LRP1B: variants seen among roughly 807,000 people sequenced by gnomAD.
LRP1B encodes low-density lipoprotein receptor-related protein 1B.
Under a neutral mutation model 556.6 loss-of-function variants are expected in LRP1B, and 217 were observed. The ratio of observed to expected loss-of-function variants is 0.39; its 90% CI spans 0.35 to 0.44. The LOEUF (loss-of-function observed/expected upper bound fraction) is 0.44, where lower values mean the gene tolerates loss of function less well. Among genes scored for constraint, LRP1B ranks in the 20% least tolerant of loss-of-function variants. LRP1B has a pLI of 1.00. For synonymous variants in LRP1B, 2,047 were observed against 1,865.8 expected (o/e 1.10, Z -2.50); for missense variants, 5,053 against 5,620.8 (o/e 0.90, Z 3.23).
intron 1 of LRP1B, among the ~76,000 whole-genome samples, chr2:141,977,786 A>G (rs978169232): frequency 6.6e-6 from 1 of 152,144 alleles, no homozygotes; most frequent in African/African-American, 2.4e-5. Context: ...ATGATAGAAT[A>G]CTGTACAGTG....
At chr2:140,702,921 C>A (rs1326030515) in intron 37 of LRP1B, among the ~76,000 whole-genome samples, 1 of 152,060 alleles carries the variant, frequency 6.6e-6, no homozygotes, top group Non-Finnish European at 1.5e-5. Context: ...CTCTGCTTCA[C>A]AACACAGATT....
At chr2:142,066,696 A>T (rs780065245) in intron 1 of LRP1B, among the ~76,000 whole-genome samples, 1 of 151,418 alleles carries the variant, frequency 6.6e-6, no homozygotes, top group Non-Finnish European at 1.5e-5. Flanking sequence ...TGTTCAGCAC[A>T]ATCTAGTATT....
chr2:141,852,903 G>A (rs1277112401), intron 1 of LRP1B, among the ~76,000 whole-genome samples: 1 of 149,396 alleles, frequency 6.7e-6, no homozygotes, highest in African/African-American at 2.5e-5. Flanking sequence ...AAAAAAAAAA[G>A]AAATGAAAAA....
chr2:140,786,143 T>TC (rs1485911389), intron 32 of LRP1B, among the ~76,000 whole-genome samples: 1 of 152,182 alleles, frequency 6.6e-6, no homozygotes, highest in African/African-American at 2.4e-5. Flanking sequence ...ACAAAGGCCA[T>TC]CCATGATTAG....
At chr2:140,771,272 T>C (rs967489263) in intron 33 of LRP1B, among the ~76,000 whole-genome samples, 2 of 152,096 alleles carry the variant, frequency 1.3e-5, no homozygotes, top group Non-Finnish European at 2.9e-5. Flanking sequence ...GTCATAAATA[T>C]TTTCATAGAC....
At chr2:141,538,636 TTC>T (rs200411539) in intron 2 of LRP1B, among the ~76,000 whole-genome samples, 163 of 63,068 alleles carry the variant, frequency 2.6e-3, no homozygotes, top group Non-Finnish European at 3.4e-3. Context: ...TGAAAAAAAC[TTC>T]TTTTTTTTTT....
At chr2:141,840,092 G>C (rs1256696094) in intron 1 of LRP1B, among the ~76,000 whole-genome samples, 1 of 151,932 alleles carries the variant, frequency 6.6e-6, no homozygotes, top group Admixed American at 6.6e-5. Flanking sequence ...TTTAATGAGT[G>C]AATACTTTTC....
intron 66 of LRP1B, among the ~76,000 whole-genome samples, chr2:140,430,354 C>G (rs1685868098): frequency 6.6e-6 from 1 of 152,168 alleles, no homozygotes; most frequent in Non-Finnish European, 1.5e-5. Context: ...GTTATATGCG[C>G]TGAAAGAGGC....
chr2:140,624,816 CA>C (rs1159486777), intron 41 of LRP1B, among the ~76,000 whole-genome samples: 1 of 152,040 alleles, frequency 6.6e-6, no homozygotes, highest in African/African-American at 2.4e-5. Context: ...ATACTAATTG[CA>C]AAAGATACTC....
At chr2:141,479,537 A>G (rs1242356296) in intron 3 of LRP1B, among the ~76,000 whole-genome samples, 1 of 152,130 alleles carries the variant, frequency 6.6e-6, no homozygotes, top group African/African-American at 2.4e-5. Context: ...AACGAAGGAC[A>G]GGTTCTTATT....
At chr2:140,334,379 A>C (rs1680965690) in intron 79 of LRP1B, 74 bp downstream of exon 79, 1 of 913,886 alleles carries the variant, frequency 1.1e-6, no homozygotes, top group African/African-American at 1.7e-5. Context: ...ATTGCCAACA[A>C]CACTAGAAAT....
intron 31 of LRP1B, among the ~76,000 whole-genome samples, chr2:140,822,104 A>T (rs1691350482): frequency 6.6e-6 from 1 of 152,246 alleles, no homozygotes. Context: ...TTGATTGACA[A>T]GCCAAGTTCC....
intron 1 of LRP1B, among the ~76,000 whole-genome samples, chr2:142,005,009 T>C (rs1702759298): frequency 1.3e-5 from 2 of 148,382 alleles, no homozygotes; most frequent in South Asian, 4.2e-4. Context: ...TTTAGTATTA[T>C]AGATATTATA....
At chr2:140,334,367 A>G in intron 79 of LRP1B, 86 bp downstream of exon 79, 1 of 822,916 alleles carries the variant, frequency 1.2e-6, no homozygotes, top group Non-Finnish European at 2.1e-6. Flanking sequence ...AAAAATACTT[A>G]TATTGCCAAC....
intron 3 of LRP1B, among the ~76,000 whole-genome samples, chr2:141,473,691 A>T (rs1682565733): frequency 6.6e-6 from 1 of 151,884 alleles, no homozygotes. Context: ...GGGTAATTCC[A>T]CTTCTTTGTT....
At chr2:142,100,286 C>T (rs930324484) in intron 1 of LRP1B, among the ~76,000 whole-genome samples, 4 of 151,890 alleles carry the variant, frequency 2.6e-5, no homozygotes, top group Non-Finnish European at 5.9e-5. Flanking sequence ...GCTTGGAGAG[C>T]ACCAATGCTC....
At chr2:140,531,328 T>C (rs1232147589) in intron 47 of LRP1B, among the ~76,000 whole-genome samples, 1 of 152,182 alleles carries the variant, frequency 6.6e-6, no homozygotes, top group African/African-American at 2.4e-5. Flanking sequence ...GTCTTCTCAT[T>C]TCTTTTCCTC....
intron 4 of LRP1B, among the ~76,000 whole-genome samples, chr2:141,253,525 A>G (rs1030983919): frequency 6.6e-6 from 1 of 152,162 alleles, no homozygotes; most frequent in Non-Finnish European, 1.5e-5. Flanking sequence ...TGGGCTCTGC[A>G]GACATGAGTT....
chr2:140,260,494 C>T (rs1316615845), intron 86 of LRP1B, among the ~76,000 whole-genome samples: 3 of 151,766 alleles, frequency 2.0e-5, no homozygotes, highest in East Asian at 1.9e-4. Context: ...GATATATACA[C>T]ATTTGTCATT....
Sources: allele counts gnomAD v4.1 joint callset (sites outside exome capture counted in the v4.1 genomes callset), GRCh38; gene constraint gnomAD v4.1.1; transcripts MANE v1.5; gene names NCBI Gene and HGNC (gene_info 2026-07-23, HGNC 2026-07-21).